Variants in NXPE2 observed in about 807,000 individuals in gnomAD.
NXPE2 encodes NXPE family member 2.
A neutral mutation model predicts 34.4 loss-of-function variants in NXPE2; 34 were observed. That is an observed-to-expected ratio of 0.99 (90% confidence interval 0.75 to 1.31). The LOEUF is 1.31. Among genes scored for constraint, NXPE2 ranks in the 40% most tolerant of loss-of-function variants. NXPE2 has a pLI of 0.00. For missense variants in NXPE2, 649 were observed against 672.5 expected (o/e 0.97, Z 0.39); for synonymous variants, 235 against 231.3 (o/e 1.02, Z -0.15).
At chr11:114,501,968 A>G in the NXPE2 span, among the ~76,000 whole-genome samples, 2 of 152,142 alleles carry the variant, frequency 1.3e-5, no homozygotes, top group Non-Finnish European at 2.9e-5. Flanking sequence ...CTTTCACATT[A>G]TTTGTCTAAG....
At chr11:114,551,261 A>T in the NXPE2 span, 2 of 1,314,710 alleles carry the variant, frequency 1.5e-6, no homozygotes, top group African/African-American at 1.5e-5. Context: ...ATCTCTCTGT[A>T]CTCACTCATT....
chr11:114,582,680 C>T, the NXPE2 span: 122 of 1,614,130 alleles, frequency 7.6e-5, no homozygotes, highest in Non-Finnish European at 9.8e-5. Flanking sequence ...CTGCCATCAG[C>T]GCTGGGGAAG....
the NXPE2 span, among the ~76,000 whole-genome samples, chr11:114,625,901 AG>A: frequency 9.1e-4 from 138 of 152,252 alleles, no homozygotes; most frequent in African/African-American, 3.1e-3. Flanking sequence ...TCCTAGTCAA[AG>A]AAAGGGGTGA....
At chr11:114,655,323 G>T in the NXPE2 span, among the ~76,000 whole-genome samples, 6 of 152,094 alleles carry the variant, frequency 3.9e-5, no homozygotes, top group African/African-American at 1.4e-4. Context: ...AAACTCTTTA[G>T]TTTAATTAGA....
chr11:114,606,811 C>A, the NXPE2 span, among the ~76,000 whole-genome samples: 75 of 152,064 alleles, frequency 4.9e-4, 1 homozygote, highest in African/African-American at 1.7e-3. Context: ...TGTAGGGTAA[C>A]CACTGTTACC....
At chr11:114,735,306 T>A in the NXPE2 span, among the ~76,000 whole-genome samples, 1 of 152,178 alleles carries the variant, frequency 6.6e-6, no homozygotes, top group Admixed American at 6.5e-5. Flanking sequence ...TTGGGACCTT[T>A]CAAAATCCAC....
chr11:114,648,506 C>T, the NXPE2 span, among the ~76,000 whole-genome samples: 13 of 152,262 alleles, frequency 8.5e-5, no homozygotes, highest in East Asian at 1.9e-3. Context: ...AGTCAGTCTA[C>T]TAATTTAAAC....
chr11:114,694,195 T>C (rs1951206294), intron 2 of NXPE2, among the ~76,000 whole-genome samples: 1 of 152,236 alleles, frequency 6.6e-6, no homozygotes, highest in African/African-American at 2.4e-5. Flanking sequence ...TAATTTAAGA[T>C]ACTATTCCCA....
chr11:114,744,883 A>G, the NXPE2 span, among the ~76,000 whole-genome samples: 1 of 152,226 alleles, frequency 6.6e-6, no homozygotes, highest in Non-Finnish European at 1.5e-5. Flanking sequence ...AAACAGAACA[A>G]TTACTATGAA....
At chr11:114,720,600 T>G in the NXPE2 span, among the ~76,000 whole-genome samples, 29 of 148,230 alleles carry the variant, frequency 2.0e-4, no homozygotes, top group Non-Finnish European at 4.5e-5. Context: ...GTGCTCTAAG[T>G]GTAAAGTGAT....
chr11:114,590,967 C>A, the NXPE2 span, among the ~76,000 whole-genome samples: 1 of 152,144 alleles, frequency 6.6e-6, no homozygotes, highest in African/African-American at 2.4e-5. Context: ...TAAACCCAGC[C>A]ACTTTCCTCC....
the NXPE2 span, among the ~76,000 whole-genome samples, chr11:114,478,415 G>T: frequency 6.6e-6 from 1 of 152,144 alleles, no homozygotes; most frequent in African/African-American, 2.4e-5. Flanking sequence ...ACATCTCAAA[G>T]AATTTACAAT....
intron 2 of NXPE2, among the ~76,000 whole-genome samples, chr11:114,689,060 T>C (rs1458441699): frequency 6.6e-6 from 1 of 152,058 alleles, no homozygotes; most frequent in Admixed American, 6.6e-5. Flanking sequence ...TGTGGATCCT[T>C]TGTATTTTTT....
At chr11:114,584,962 T>C in the NXPE2 span, among the ~76,000 whole-genome samples, 3 of 152,044 alleles carry the variant, frequency 2.0e-5, no homozygotes, top group African/African-American at 7.2e-5. Flanking sequence ...GGAATACTTT[T>C]GTGCAAACAG....
chr11:114,810,781 G>A, the NXPE2 span, among the ~76,000 whole-genome samples: 33 of 152,144 alleles, frequency 2.2e-4, no homozygotes, highest in African/African-American at 5.8e-4. Flanking sequence ...TCAGTGTGGC[G>A]ATTCCTCAGG....
the NXPE2 span, among the ~76,000 whole-genome samples, chr11:114,722,447 A>G: frequency 3.3e-5 from 5 of 152,082 alleles, no homozygotes; most frequent in African/African-American, 1.2e-4. Flanking sequence ...ACCCAGTCTC[A>G]GGGAAGTTAT....
the NXPE2 span, among the ~76,000 whole-genome samples, chr11:114,491,601 C>T: frequency 1.3e-3 from 196 of 152,200 alleles, no homozygotes; most frequent in South Asian, 0.014. Context: ...GTCAGTGTGG[C>T]GATTCCTCAG....
chr11:114,631,630 A>G, the NXPE2 span, among the ~76,000 whole-genome samples: 3 of 152,062 alleles, frequency 2.0e-5, no homozygotes, highest in South Asian at 6.2e-4. Context: ...ATATGTAACT[A>G]AACTGCACAT....
chr11:114,513,154 G>A, the NXPE2 span: 1 of 554,514 alleles, frequency 1.8e-6, no homozygotes, highest in Middle Eastern at 3.1e-4. Flanking sequence ...GGAAATCCCT[G>A]CCATATTGCT....
Sources: allele counts gnomAD v4.1 joint callset (sites outside exome capture counted in the v4.1 genomes callset), GRCh38; gene constraint gnomAD v4.1.1; transcripts MANE v1.5; gene names NCBI Gene and HGNC (gene_info 2026-07-23, HGNC 2026-07-21).